FBXO36: variants seen among roughly 807,000 people sequenced by gnomAD.
FBXO36 encodes the protein F-box protein 36, also known as F-box only protein 36.
In FBXO36, 18 loss-of-function variants were observed where a neutral mutation model predicts 17.0. The observed-to-expected ratio is 1.06, with a 90% CI of 0.73 to 1.57. FBXO36 has a LOEUF of 1.57. Among genes scored for constraint, FBXO36 ranks in the 40% most tolerant of loss-of-function variants. The pLI is 0.00. For synonymous variants in FBXO36, 83 were observed against 85.3 expected (o/e 0.97, Z 0.15); for missense variants, 229 against 221.9 (o/e 1.03, Z -0.20).
intron 1 of FBXO36, among the ~76,000 whole-genome samples, chr2:229,948,187 G>T (rs551743400): frequency 6.6e-6 from 1 of 152,054 alleles, no homozygotes; most frequent in Non-Finnish European, 1.5e-5. Flanking sequence ...AGTTAAGGCA[G>T]AGGAACACTT....
chr2:229,954,233 G>GTTTTTTTTTTT (rs1283205428), intron 1 of FBXO36, among the ~76,000 whole-genome samples: 10 of 33,134 alleles, frequency 3.0e-4, no homozygotes, highest in Admixed American at 6.2e-4. Context: ...AAACCCTTTG[G>GTTTTTTTTTTT]ATTTTTTTTT....
At chr2:229,944,508 TG>T (rs2077015930) in intron 1 of FBXO36, among the ~76,000 whole-genome samples, 1 of 152,130 alleles carries the variant, frequency 6.6e-6, no homozygotes, top group Non-Finnish European at 1.5e-5. Context: ...TACCCAAAAG[TG>T]TAGACTTTGT....
At chr2:229,994,735 A>G (rs76327152) in intron 2 of FBXO36, among the ~76,000 whole-genome samples, 5,573 of 152,196 alleles carry the variant, frequency 0.037, 366 homozygotes, top group African/African-American at 0.13. Flanking sequence ...AGAAGGGGAG[A>G]AGAGAAACTG....
At chr2:229,998,610 G>A (rs1342876749) in intron 3 of FBXO36, among the ~76,000 whole-genome samples, 13 of 145,774 alleles carry the variant, frequency 8.9e-5, no homozygotes, top group Admixed American at 2.1e-4. Flanking sequence ...CAACAAGAGC[G>A]AAACTCAGTC....
At chr2:229,931,105 A>G (rs2076936539) in intron 1 of FBXO36, among the ~76,000 whole-genome samples, 1 of 152,146 alleles carries the variant, frequency 6.6e-6, no homozygotes. Flanking sequence ...TAATTTTTTT[A>G]AGTGGCATAT....
chr2:229,941,001 C>G (rs1225091414), intron 1 of FBXO36, among the ~76,000 whole-genome samples: 2 of 152,094 alleles, frequency 1.3e-5, no homozygotes, highest in Non-Finnish European at 2.9e-5. Flanking sequence ...GTCCAAGCCT[C>G]CACCTGAGAT....
intron 2 of FBXO36, among the ~76,000 whole-genome samples, chr2:229,978,722 G>A (rs962038828): frequency 1.3e-5 from 2 of 151,598 alleles, no homozygotes; most frequent in Non-Finnish European, 2.9e-5. Context: ...ACATCCTTGT[G>A]AAATAAATAT....
Position 229,995,594 on chromosome 2 carries a change from TTC to T in FBXO36, c.206-1155_206-1154del, listed in dbSNP as rs1156959172. Reference sequence around the variant, plus strand: ...TCTTTCTTTCTTTCTCTTTCTTTCTTTCTTTTTTTTTTTTTTGGACAGAATTT... The same window carrying T: ...TCTTTCTTTCTTTCTCTTTCTTTCTTTTTTTTTTTTTTTTGGACAGAATTT... On this transcript the variant is annotated intron_variant, in intron 2 of 3. Transcript: ENST00000283946. 5.7e-4 allele frequency among the ~76,000 whole-genome samples: 81 copies of T among 142,312 alleles called. 2 individuals are homozygous for T. The highest frequency in any genetic ancestry group is 1.3e-3 in the African/African-American group (50 of 38,044). The allele number at this position is 142,312 out of a possible 152,430, so 93.4% of individuals were successfully genotyped here.
intron 3 of FBXO36, 30 bp downstream of exon 3, chr2:229,996,953 G>A: frequency 2.0e-5 from 32 of 1,579,846 alleles, no homozygotes; most frequent in Non-Finnish European, 2.7e-5. Context: ...TGTCTATATA[G>A]AATTTTCCAT....
chr2:230,005,712 G>A (rs899614993), intron 3 of FBXO36, among the ~76,000 whole-genome samples: 1 of 152,124 alleles, frequency 6.6e-6, no homozygotes, highest in African/African-American at 2.4e-5. Context: ...CTGTTACTCA[G>A]GTCGGAGTGC....
chr2:229,965,139 C>T (rs897147690), intron 1 of FBXO36, among the ~76,000 whole-genome samples: 1 of 135,862 alleles, frequency 7.4e-6, no homozygotes, highest in Admixed American at 8.1e-5. Flanking sequence ...CCCTTTCTTT[C>T]TTCCTTCCTT....
chr2:229,939,758 G>A (rs547275324), intron 1 of FBXO36, among the ~76,000 whole-genome samples: 13 of 152,272 alleles, frequency 8.5e-5, no homozygotes, highest in Admixed American at 7.2e-4. Flanking sequence ...GGCCACCTTA[G>A]CCTTTACAGC....
intron 1 of FBXO36, among the ~76,000 whole-genome samples, chr2:229,955,110 C>G (rs963805265): frequency 3.3e-5 from 5 of 152,178 alleles, no homozygotes; most frequent in South Asian, 4.1e-4. Context: ...CCTTGGCCTC[C>G]CAAAGTGTTG....
chr2:229,935,070 GTT>G (rs1577327501), intron 1 of FBXO36, among the ~76,000 whole-genome samples: 1 of 152,172 alleles, frequency 6.6e-6, no homozygotes, highest in East Asian at 1.9e-4. Context: ...ATATGCCACA[GTT>G]TAACGTCTTA....
chr2:229,998,546 C>T (rs1326689909), intron 3 of FBXO36, among the ~76,000 whole-genome samples: 4 of 151,552 alleles, frequency 2.6e-5, no homozygotes, highest in East Asian at 2.0e-4. Flanking sequence ...CGCTTGAACC[C>T]GGGAGGCGGA....
At chr2:229,967,023 TC>T (rs1363479850) in intron 1 of FBXO36, among the ~76,000 whole-genome samples, 3 of 152,232 alleles carry the variant, frequency 2.0e-5, no homozygotes, top group Non-Finnish European at 4.4e-5. Context: ...GGAATGTTCT[TC>T]CATTTGTTGG....
At chr2:230,007,174 G>A (rs944877748) in intron 3 of FBXO36, among the ~76,000 whole-genome samples, 4 of 152,250 alleles carry the variant, frequency 2.6e-5, no homozygotes, top group African/African-American at 9.6e-5. Flanking sequence ...GCCCCTGATA[G>A]CACCAGGCCT....
intron 2 of FBXO36, among the ~76,000 whole-genome samples, chr2:229,990,966 G>A (rs781611597): frequency 3.3e-5 from 5 of 151,372 alleles, no homozygotes; most frequent in Non-Finnish European, 5.9e-5. Context: ...CCCCGAGTTG[G>A]GAGTCTCACT....
chr2:229,938,088 C>T (rs1263658217), intron 1 of FBXO36, among the ~76,000 whole-genome samples: 3 of 152,118 alleles, frequency 2.0e-5, no homozygotes, highest in Non-Finnish European at 4.4e-5. Context: ...CTGCCTCAGC[C>T]TCCCGCATAG....
Sources: allele counts gnomAD v4.1 joint callset (sites outside exome capture counted in the v4.1 genomes callset), GRCh38; gene constraint gnomAD v4.1.1; transcripts MANE v1.5; gene names NCBI Gene and HGNC (gene_info 2026-07-23, HGNC 2026-07-21).